The following CALN1 variants were observed in gnomAD, a reference collection of about 807,000 sequenced individuals.
The protein encoded by CALN1 is calneuron 1, also known as calcium-binding protein 8.
CALN1 carries 17 observed loss-of-function variants against 30.6 expected under a neutral mutation model. The ratio of observed to expected loss-of-function variants is 0.56; its 90% CI spans 0.38 to 0.83. CALN1 has a LOEUF of 0.83. Ranked by LOEUF, CALN1 falls within the 40% of genes least tolerant of loss-of-function variation. The pLI is 0.00. For missense variants in CALN1, 291 were observed against 354.9 expected (o/e 0.82, Z 1.45); for synonymous variants, 156 against 131.4 (o/e 1.19, Z -1.28).
chr7:72,271,575 A>ATATATATAT (rs1554345806), intron 3 of CALN1, among the ~76,000 whole-genome samples: 2 of 52,126 alleles, frequency 3.8e-5, no homozygotes, highest in African/African-American at 2.7e-4. Context: ...AAAAAAAAAA[A>ATATATATAT]ATATATATAT....
At chr7:72,014,228 A>G (rs1200802473) in intron 5 of CALN1, among the ~76,000 whole-genome samples, 1 of 151,926 alleles carries the variant, frequency 6.6e-6, no homozygotes, top group Non-Finnish European at 1.5e-5. Flanking sequence ...CTGGGACTAC[A>G]GATGTGCGCC....
the CALN1 span, among the ~76,000 whole-genome samples, chr7:72,466,822 AG>A: frequency 8.7e-5 from 13 of 149,388 alleles, no homozygotes; most frequent in Admixed American, 8.9e-4. Flanking sequence ...AGAAAGAAAA[AG>A]AAAGAAAGAG....
chr7:71,993,406 C>T (rs539959181), intron 5 of CALN1, among the ~76,000 whole-genome samples: 1 of 150,938 alleles, frequency 6.6e-6, no homozygotes, highest in South Asian at 2.1e-4. Flanking sequence ...TTTGAGGCTG[C>T]AGTGAGCTAT....
rs1432499844 is a variant in CALN1, at chr7:72,106,254, G to A, written c.285C>T (p.Asn95=). 5.6e-6 allele frequency: 9 copies of A among 1,613,980 alleles called. No homozygotes were observed. Among genetic ancestry groups the A allele is most frequent in the East Asian group, 2.2e-5 (1 of 44,828 alleles). ...EAFRVLDRDG[N]GFISKQELGM... is the part of the protein sequence containing the mutation. The stretch of plus-strand genomic sequence containing the variant: ...CCAGCTCCTGCTTGGAGATGAAGCC[G>A]TTCCCATCCCGGTCCAGAACCCGAA... Residue 95 remains asparagine, a synonymous_variant, in exon 4 of 7, where the codon AAC becomes AAT. Transcript: ENST00000395275.
At chr7:72,496,213 T>C in the CALN1 span, among the ~76,000 whole-genome samples, 3 of 152,206 alleles carry the variant, frequency 2.0e-5, no homozygotes, top group Non-Finnish European at 4.4e-5. Flanking sequence ...TGAGCCACCA[T>C]GCCCGGCCTC....
At chr7:72,248,434 T>G (rs368142060) in intron 3 of CALN1, among the ~76,000 whole-genome samples, 66 of 152,270 alleles carry the variant, frequency 4.3e-4, no homozygotes, top group African/African-American at 1.3e-3. Flanking sequence ...GTGGCCTGCA[T>G]TCCTTGGCTC....
chr7:72,358,738 T>C (rs576866859), intron 2 of CALN1, among the ~76,000 whole-genome samples: 2 of 151,886 alleles, frequency 1.3e-5, no homozygotes, highest in Non-Finnish European at 2.9e-5. Context: ...ATCACGAGGT[T>C]AGGAGTTCGA....
intron 1 of CALN1, among the ~76,000 whole-genome samples, chr7:72,437,342 G>C (rs1486674516): frequency 6.6e-6 from 1 of 152,096 alleles, no homozygotes; most frequent in African/African-American, 2.4e-5. Context: ...TGACATTCTG[G>C]GACTGATGGC....
At chr7:71,826,153 G>A (rs1032802902) in intron 5 of CALN1, among the ~76,000 whole-genome samples, 3 of 151,524 alleles carry the variant, frequency 2.0e-5, no homozygotes, top group Non-Finnish European at 4.4e-5. Flanking sequence ...GGTATGGAGA[G>A]ACAGGAGGAC....
At chr7:72,369,299 T>A (rs1224619576) in intron 2 of CALN1, among the ~76,000 whole-genome samples, 5 of 147,116 alleles carry the variant, frequency 3.4e-5, no homozygotes, top group Admixed American at 2.7e-4. Context: ...ATATATATAT[T>A]TATATATTTA....
chr7:72,048,663 T>G lies in CALN1; in HGVS notation c.389-24894A>C, dbSNP rs1029559893. On this transcript the variant is annotated intron_variant, in intron 4 of 6. Transcript: ENST00000395275. ...ATATAATTTCCTTCCTTTTCCTCCCTCCCTTCCCTCCTTCCTTGTCTGCCT... is the reference window on the plus strand; with the variant it reads ...ATATAATTTCCTTCCTTTTCCTCCCGCCCTTCCCTCCTTCCTTGTCTGCCT... Among the ~76,000 whole-genome samples, 11 of 151,430 alleles carry G rather than the reference T, an allele frequency of 7.3e-5. No homozygotes were observed. The East Asian group carries it at 9.7e-4, about 13-fold the overall frequency.
intron 4 of CALN1, among the ~76,000 whole-genome samples, chr7:72,053,308 G>A (rs1397776124): frequency 6.6e-6 from 1 of 152,184 alleles, no homozygotes; most frequent in African/African-American, 2.4e-5. Context: ...AAAGTAAAAA[G>A]CATGATTTTC....
In CALN1 at chr7:72,065,544, C is replaced by T. The variant is rs1803961839; in HGVS notation, c.388+40607G>A. ...ATTCTTCTCTATAAAGCAAGCATCC[C>T]CAATCCCATCTCGGATTCATTACAG... On this transcript the variant is annotated intron_variant, in intron 4 of 6. Transcript: ENST00000395275. Among the ~76,000 whole-genome samples the T allele has an allele frequency of 2.0e-5, 3 of 152,176 alleles. 1 individual carries two copies. Among genetic ancestry groups the T allele is most frequent in the South Asian group, 4.1e-4 (2 of 4,828 alleles).
intron 2 of CALN1, among the ~76,000 whole-genome samples, chr7:72,368,951 A>C (rs1235116476): frequency 6.6e-6 from 1 of 150,912 alleles, no homozygotes; most frequent in Non-Finnish European, 1.5e-5. Flanking sequence ...AGTAGCTGGG[A>C]TTACAGGCAC....
intron 4 of CALN1, among the ~76,000 whole-genome samples, chr7:72,072,319 C>G (rs1281995536): frequency 6.6e-6 from 1 of 152,158 alleles, no homozygotes; most frequent in Non-Finnish European, 1.5e-5. Flanking sequence ...GAGCAGATTT[C>G]TCACCAAAAA....
At chr7:71,955,435 T>C (rs1489554781) in intron 5 of CALN1, among the ~76,000 whole-genome samples, 1 of 152,086 alleles carries the variant, frequency 6.6e-6, no homozygotes, top group Non-Finnish European at 1.5e-5. Flanking sequence ...TACGTTCCTT[T>C]ATTTAAATCT....
intron 4 of CALN1, among the ~76,000 whole-genome samples, chr7:72,098,750 A>C (rs1356593692): frequency 8.6e-6 from 1 of 116,002 alleles, no homozygotes; most frequent in Non-Finnish European, 1.7e-5. Context: ...TGAGCAGTTC[A>C]GCCCATTTGG....
rs1798789154 is a variant in CALN1 at position 71,988,450 on chromosome 7, A to G, written c.501+35207T>C. On this transcript the variant is annotated intron_variant, in intron 5 of 6. Coordinates refer to ENST00000395275, the MANE Select transcript of CALN1 (RefSeq NM_031468.4). The stretch of plus-strand genomic sequence containing the variant: ...TCAGGAAGGCATAGCCGGTGCCCCA[A>G]GCCCACAGTCATGTGGAATAGACTC... 2.0e-5 allele frequency among the ~76,000 whole-genome samples: 3 copies of G among 152,150 alleles called. No homozygotes were observed. In the South Asian group the frequency reaches 6.2e-4, roughly 32 times the overall value.
At chr7:72,207,974 G>C (rs927865128) in intron 3 of CALN1, among the ~76,000 whole-genome samples, 1 of 152,088 alleles carries the variant, frequency 6.6e-6, no homozygotes, top group Admixed American at 6.6e-5. Context: ...CAGTATAACA[G>C]ACATAAAGGC....
Sources: allele counts gnomAD v4.1 joint callset (sites outside exome capture counted in the v4.1 genomes callset), GRCh38; gene constraint gnomAD v4.1.1; transcripts MANE v1.5; gene names NCBI Gene and HGNC (gene_info 2026-07-23, HGNC 2026-07-21).